Variants in PHF7 observed in about 807,000 individuals in gnomAD.
PHF7 encodes the protein PHD finger protein 7, also known as E3 ubiquitin-protein ligase PHF7.
PHF7 carries 24 observed loss-of-function variants against 47.5 expected under a neutral mutation model. That is an observed-to-expected ratio of 0.51 (90% CI 0.37 to 0.71). PHF7 has a LOEUF of 0.71. Ranked by LOEUF, PHF7 falls within the 30% of genes least tolerant of loss-of-function variation. The pLI is 0.00. For missense variants in PHF7, 361 were observed against 456.8 expected (o/e 0.79, Z 1.91); for synonymous variants, 156 against 153.8 (o/e 1.01, Z -0.11).
chr3:52,412,678 C>CT (rs757403049), intron 1 of PHF7, 133 bp from the exon 2 acceptor site: 7 of 576,656 alleles, frequency 1.2e-5, no homozygotes, highest in African/African-American at 1.9e-5. Flanking sequence ...TAACACATGT[C>CT]AAGTACCTAG....
chr3:52,420,246 T>G (rs3886875), intron 5 of PHF7, 65 bp from the exon 6 acceptor site: 164,938 of 1,536,210 alleles, frequency 0.11, 10,160 homozygotes, highest in Non-Finnish European at 0.13. Context: ...AATAGAAAGA[T>G]GTGCTACACT....
In PHF7 at chr3:52,419,820, A is replaced by T. The variant is rs1705733048; in HGVS notation, c.187-13A>T. Reference sequence around the variant, plus strand: ...TCATCATTGTTAACAGCCTGGTTCTACTGCCCCCGCAGATCTTATCTAGTA... The same window carrying T: ...TCATCATTGTTAACAGCCTGGTTCTTCTGCCCCCGCAGATCTTATCTAGTA... On this transcript the variant is annotated splice_polypyrimidine_tract_variant and intron_variant, in intron 4 of 10. Coordinates refer to ENST00000327906, the MANE Select transcript of PHF7 (RefSeq NM_016483.7). 7.0e-7 allele frequency: 1 copy of T among 1,436,192 alleles called. No homozygotes were observed. Among genetic ancestry groups the T allele is most frequent in the Non-Finnish European group, 9.7e-7 (1 of 1,027,250 alleles). The allele number at this position is 1,436,192 out of a possible 1,614,324, so 89.0% of individuals were successfully genotyped here.
At chr3:52,411,793 G>A (rs1489262847) in intron 1 of PHF7, among the ~76,000 whole-genome samples, 1 of 152,246 alleles carries the variant, frequency 6.6e-6, no homozygotes, top group Non-Finnish European at 1.5e-5. Context: ...GTAACAGCCG[G>A]AGTTGGCTGA....
intron 9 of PHF7, 31 bp downstream of exon 9, chr3:52,422,369 C>T (rs376329082): frequency 7.6e-7 from 1 of 1,314,720 alleles, no homozygotes; most frequent in African/African-American, 1.4e-5. Flanking sequence ...AGAAAGAGCT[C>T]TCATCAGTGC....
intron 5 of PHF7, 169 bp from the exon 6 acceptor site, chr3:52,420,142 C>A: frequency 1.2e-6 from 1 of 832,730 alleles, no homozygotes; most frequent in Non-Finnish European, 2.1e-6. Flanking sequence ...TAGGAAAGAA[C>A]TCAGTGCTGC....
chr3:52,416,822 G>A (rs1488515149), intron 4 of PHF7, among the ~76,000 whole-genome samples: 2 of 118,370 alleles, frequency 1.7e-5, no homozygotes, highest in African/African-American at 5.8e-5. Flanking sequence ...GACAGTGCAA[G>A]ACTCCGTCTC....
chr3:52,422,630 A>G, intron 9 of PHF7, 130 bp from the exon 10 acceptor site: 1 of 970,940 alleles, frequency 1.0e-6, no homozygotes, highest in Non-Finnish European at 1.6e-6. Flanking sequence ...ATCAGCACTC[A>G]TCCTCTCTGA....
chr3:52,423,536 T>C lies in PHF7; in HGVS notation c.*219T>C. 1 of 456,426 alleles carries C rather than the reference T, an allele frequency of 2.2e-6. No individual in the cohort carries two copies. Among genetic ancestry groups the C allele is most frequent in the South Asian group, 3.3e-5 (1 of 29,972 alleles). The allele number at this position is 456,426 out of a possible 1,614,324, so 28.3% of individuals were successfully genotyped here. On this transcript the variant is annotated 3_prime_UTR_variant, in exon 11 of 11. Transcript: ENST00000327906. The stretch of plus-strand genomic sequence containing the variant: ...TGGCTACAAGAGTGCCTCTGCTTTC[T>C]CCTCCTCTCCTCCCACCAAGGATTC...
Position 52,423,551 on chromosome 3 carries a change from A to G in PHF7, c.*234A>G, listed in dbSNP as rs1034183520. 5 of 432,354 alleles carry G rather than the reference A, an allele frequency of 1.2e-5. No homozygotes were observed. The highest frequency in any genetic ancestry group is 1.7e-5 in the Non-Finnish European group (4 of 241,848). 26.8% of individuals were successfully genotyped at this position (432,354 alleles called of 1,614,324 possible). A position where few individuals can be genotyped will look rare whatever the true frequency, so the allele number is the denominator to read the frequency against. On this transcript the variant is annotated 3_prime_UTR_variant, in exon 11 of 11. Transcript: ENST00000327906. ...CTCTGCTTTCTCCTCCTCTCCTCCCACCAAGGATTCTTCCACCTTAATCTT... is the reference window on the plus strand; with the variant it reads ...CTCTGCTTTCTCCTCCTCTCCTCCCGCCAAGGATTCTTCCACCTTAATCTT...
At chr3:52,413,901 A>G (rs1255818702) in intron 2 of PHF7, 95 bp from the exon 3 acceptor site, 8 of 809,806 alleles carry the variant, frequency 9.9e-6, no homozygotes, top group Non-Finnish European at 1.3e-5. Context: ...TTGGTCCTTC[A>G]TCAGACCCAT....
At position 52,422,971 on chromosome 3, in the gene PHF7, A is replaced by T. The variant is rs1291322028; in HGVS notation, c.919+90A>T. On this transcript the variant is annotated intron_variant, in intron 10 of 10. Coordinates refer to ENST00000327906, the MANE Select transcript of PHF7 (RefSeq NM_016483.7). ...GGAAAGGAGGAAGACATCCCACCAG[A>T]GGGGGATTAATAGTTGGTGCCTTTG... is the stretch of plus-strand genomic sequence containing the variant. 3 of 1,557,202 alleles carry T rather than the reference A, an allele frequency of 1.9e-6. No individual in the cohort carries two copies. The East Asian group carries it at 6.7e-5, about 35-fold the overall frequency.
At chr3:52,422,643 C>T (rs1203619310) in intron 9 of PHF7, 117 bp from the exon 10 acceptor site, 12 of 1,066,534 alleles carry the variant, frequency 1.1e-5, no homozygotes, top group Middle Eastern at 2.0e-4. Context: ...CTCTCTGAGC[C>T]ATACATTCAT....
Position 52,420,322 on chromosome 3 carries a change from GTGCAAGAAAAAGGGAGC to G in PHF7, c.304_320del (p.Lys102TyrfsTer35). ...GAACTCATTTGCAGATCTGCTTTGT[GTGCAAGAAAAAGGGAGC>G]TGCTATCAACTGCCAGAAGGATCAG... On this transcript the variant is annotated frameshift_variant, in exon 6 of 11. Transcript: ENST00000327906. LOFTEE classifies it high-confidence loss of function. 1.2e-6 allele frequency: 2 copies of G among 1,614,008 alleles called. No homozygotes were observed. Among genetic ancestry groups the G allele is most frequent in the Non-Finnish European group, 1.7e-6 (2 of 1,179,874 alleles).
At chr3:52,416,054 C>T (rs1705613845) in intron 4 of PHF7, among the ~76,000 whole-genome samples, 1 of 152,126 alleles carries the variant, frequency 6.6e-6, no homozygotes, top group Non-Finnish European at 1.5e-5. Flanking sequence ...TTTGTTTTGT[C>T]AGTGTTCTTA....
intron 1 of PHF7, 28 bp from the exon 2 acceptor site, chr3:52,412,783 G>A: frequency 9.9e-7 from 1 of 1,012,198 alleles, no homozygotes. Context: ...GAATTAAATT[G>A]CTTACCAAAC....
At chr3:52,416,094 G>T (rs1705615028) in intron 4 of PHF7, among the ~76,000 whole-genome samples, 1 of 151,494 alleles carries the variant, frequency 6.6e-6, no homozygotes, top group Non-Finnish European at 1.5e-5. Flanking sequence ...GTGTGTATTG[G>T]TATTTCATTG....
At chr3:52,420,873 C>G (rs1272754911) in intron 6 of PHF7, 30 bp from the exon 7 acceptor site, 2 of 1,585,412 alleles carry the variant, frequency 1.3e-6, no homozygotes, top group Non-Finnish European at 1.7e-6. Flanking sequence ...CAATGACAAA[C>G]CAGAAACCAA....
chr3:52,423,126 T>A lies in PHF7; in HGVS notation c.955T>A (p.Cys319Ser), dbSNP rs1215138393. 1.2e-6 allele frequency: 2 copies of A among 1,613,808 alleles called. No homozygotes were observed. The highest frequency in any genetic ancestry group is 1.7e-6 in the Non-Finnish European group (2 of 1,179,788). Residue 319 changes from cysteine to serine, a missense_variant, in exon 11 of 11, where the codon TGC (cysteine) becomes AGC (serine). Physicochemically the swap from Cys to Ser is moderately radical, Grantham distance 112 (BLOSUM62 -1). Coordinates refer to ENST00000327906, the MANE Select transcript of PHF7 (RefSeq NM_016483.7). The part of the protein sequence containing the change: ...IPENSGDIPC[C>S]SSTFHPEEHF... Reference sequence around the variant, plus strand: ...TGAAAACTCAGGGGACATCCCTTGCTGCAGCAGCACCTTCCACCCTGAGGA... The same window carrying A: ...TGAAAACTCAGGGGACATCCCTTGCAGCAGCAGCACCTTCCACCCTGAGGA...
chr3:52,420,849 T>C (rs925742162), intron 6 of PHF7, 54 bp from the exon 7 acceptor site: 40 of 1,544,736 alleles, frequency 2.6e-5, no homozygotes, highest in Non-Finnish European at 3.3e-5. Context: ...GAGCGGGCCA[T>C]TGGGAAACTA....
Sources: allele counts gnomAD v4.1 joint callset (sites outside exome capture counted in the v4.1 genomes callset), GRCh38; gene constraint gnomAD v4.1.1; transcripts MANE v1.5; gene names NCBI Gene and HGNC (gene_info 2026-07-23, HGNC 2026-07-21).